The following CHSY1 variants were observed in gnomAD, a reference collection of about 807,000 sequenced individuals.
CHSY1 encodes the protein chondroitin sulfate synthase 1, also known as N-acetylgalactosaminyl-proteoglycan 3-beta-glucuronosyltransferase 1.
Under a neutral mutation model 59.8 loss-of-function variants are expected in CHSY1, and 13 were observed. The ratio of observed to expected loss-of-function variants is 0.22; its 90% CI spans 0.14 to 0.35. The LOEUF is 0.35. Among genes scored for constraint, CHSY1 ranks in the 10% least tolerant of loss-of-function variants. CHSY1 has a pLI of 1.00. For missense variants in CHSY1, 947 were observed against 1,030.6 expected (o/e 0.92, Z 1.11); for synonymous variants, 459 against 401.2 (o/e 1.14, Z -1.72).
intron 1 of CHSY1, among the ~76,000 whole-genome samples, chr15:101,248,447 C>T (rs954267562): frequency 6.6e-6 from 1 of 152,214 alleles, no homozygotes; most frequent in Admixed American, 6.5e-5. Context: ...GCTCCATGCA[C>T]TCTGACTTCT....
At chr15:101,241,949 TTAAA>T (rs1207548755) in intron 1 of CHSY1, among the ~76,000 whole-genome samples, 2 of 152,378 alleles carry the variant, frequency 1.3e-5, no homozygotes, top group East Asian at 3.9e-4. Flanking sequence ...CCTGTATACT[TTAAA>T]TAGTCTCTAG....
intron 2 of CHSY1, among the ~76,000 whole-genome samples, chr15:101,216,238 T>A (rs2038730983): frequency 6.6e-6 from 1 of 152,188 alleles, no homozygotes; most frequent in African/African-American, 2.4e-5. Context: ...AAAACACTGA[T>A]AACACCCAGT....
intron 1 of CHSY1, among the ~76,000 whole-genome samples, chr15:101,235,898 C>T (rs1425618782): frequency 6.6e-6 from 1 of 152,114 alleles, no homozygotes; most frequent in Non-Finnish European, 1.5e-5. Context: ...CAACTCCCTA[C>T]CTAAGAACTT....
intron 2 of CHSY1, among the ~76,000 whole-genome samples, chr15:101,195,941 T>A (rs1474501049): frequency 2.6e-5 from 4 of 151,602 alleles, no homozygotes; most frequent in Non-Finnish European, 4.4e-5. Flanking sequence ...ATAAATTATA[T>A]ATAAATATTA....
chr15:101,228,235 C>T (rs1325920423), intron 2 of CHSY1, among the ~76,000 whole-genome samples: 4 of 151,420 alleles, frequency 2.6e-5, no homozygotes, highest in African/African-American at 9.7e-5. Context: ...AGAAAGAAAA[C>T]AGGAGTAAAA....
intron 2 of CHSY1, among the ~76,000 whole-genome samples, chr15:101,221,921 A>T (rs1031953630): frequency 6.6e-6 from 1 of 152,160 alleles, no homozygotes; most frequent in African/African-American, 2.4e-5. Flanking sequence ...TCAATGAGAG[A>T]AAACACAGAA....
In CHSY1 at chr15:101,178,486, G is replaced by A. The variant is rs760681716; in HGVS notation, c.1311C>T (p.Arg437=). The A allele has an allele frequency of 6.2e-6, 10 of 1,614,106 alleles. No homozygotes were observed. Among genetic ancestry groups the A allele is most frequent in the African/African-American group, 2.7e-5 (2 of 74,938 alleles). The change falls in exon 3 of 3, where the codon CGC becomes CGT. Residue 437 remains arginine, a synonymous_variant. Transcript: ENST00000254190. The part of the protein sequence containing the change: ...IDFKEIQYGY[R]RVNPMYGAEY... ...CAGCCCCATACATGGGGTTCACCCGGCGGTAGCCGTACTGGATCTCTTTGA... is the reference window on the plus strand; with the variant it reads ...CAGCCCCATACATGGGGTTCACCCGACGGTAGCCGTACTGGATCTCTTTGA...
chr15:101,225,954 C>T (rs1408317156), intron 2 of CHSY1, among the ~76,000 whole-genome samples: 1 of 152,146 alleles, frequency 6.6e-6, no homozygotes, highest in Admixed American at 6.5e-5. Context: ...CAGGCTCTCA[C>T]AATCACAGGA....
Position 101,177,840 on chromosome 15 carries a change from G to C in CHSY1, c.1957C>G (p.Gln653Glu), listed in dbSNP as rs150075110. ...CTGAAGATGATTGGAAAATATATTT[G>C]TTGGCCCAGAACTGTATTTGCTCGA... ...RCRANTVLGQ[Q>E]IYFPIIFSQY... The change falls in exon 3 of 3, where the codon CAA becomes GAA. Residue 653 changes from glutamine to glutamate, a missense_variant. This residue lies in a region of CHSY1 where 602 missense variants were observed against 676.9 expected (regional missense o/e 0.89). Coordinates refer to ENST00000254190, the MANE Select transcript of CHSY1 (RefSeq NM_014918.5). The C allele has an allele frequency of 1.3e-4, 217 of 1,614,194 alleles. No homozygotes were observed. In the African/African-American group the frequency reaches 2.8e-3, roughly 21 times the overall value.
intron 1 of CHSY1, among the ~76,000 whole-genome samples, chr15:101,239,705 A>T (rs1596454557): frequency 8.3e-6 from 1 of 120,300 alleles, no homozygotes; most frequent in South Asian, 2.4e-4. Context: ...TAATGTGGAA[A>T]ATGCTTCTTA....
At chr15:101,205,061 CAGAG>C (rs1463334644) in intron 2 of CHSY1, among the ~76,000 whole-genome samples, 1 of 152,158 alleles carries the variant, frequency 6.6e-6, no homozygotes, top group African/African-American at 2.4e-5. Context: ...TTTAACTACT[CAGAG>C]AGATTTTCAG....
At chr15:101,192,972 A>G (rs2038464004) in intron 2 of CHSY1, among the ~76,000 whole-genome samples, 2 of 152,234 alleles carry the variant, frequency 1.3e-5, no homozygotes, top group Non-Finnish European at 2.9e-5. Context: ...GATTTTATAT[A>G]ATAACATTAA....
At chr15:101,195,686 G>T (rs529080859) in intron 2 of CHSY1, among the ~76,000 whole-genome samples, 35 of 152,166 alleles carry the variant, frequency 2.3e-4, no homozygotes, top group Admixed American at 5.9e-4. Context: ...TTAACCGGGC[G>T]TGGTGGCGGG....
chr15:101,234,268 T>C (rs145832720), intron 2 of CHSY1, among the ~76,000 whole-genome samples: 229 of 152,330 alleles, frequency 1.5e-3, no homozygotes, highest in Middle Eastern at 0.01. Context: ...ATCTGAACAG[T>C]CAAGGTACAC....
intron 2 of CHSY1, chr15:101,187,857 G>C (rs1242095690): frequency 1.0e-5 from 2 of 197,572 alleles, no homozygotes; most frequent in Non-Finnish European, 1.8e-5. Flanking sequence ...CTTCCTGTGA[G>C]ATGTTTCAGG....
intron 2 of CHSY1, chr15:101,186,751 A>G (rs768966789): frequency 2.0e-5 from 3 of 152,106 alleles, no homozygotes; most frequent in Non-Finnish European, 4.4e-5. Context: ...GCAGTGAGCC[A>G]TGATCGCACT....
At chr15:101,230,341 C>A (rs897848002) in intron 2 of CHSY1, among the ~76,000 whole-genome samples, 17 of 152,024 alleles carry the variant, frequency 1.1e-4, no homozygotes, top group Non-Finnish European at 2.1e-4. Flanking sequence ...TAACGGGCAG[C>A]CTAAATGAGT....
intron 2 of CHSY1, among the ~76,000 whole-genome samples, chr15:101,228,182 T>C (rs1420620180): frequency 6.6e-6 from 1 of 151,058 alleles, no homozygotes; most frequent in Admixed American, 6.6e-5. Flanking sequence ...AAAGAATCCA[T>C]GAAACTGAAA....
chr15:101,232,416 A>G (rs951122231), intron 2 of CHSY1, among the ~76,000 whole-genome samples: 1 of 152,238 alleles, frequency 6.6e-6, no homozygotes, highest in African/African-American at 2.4e-5. Context: ...AAAGCTTTAT[A>G]AAAAGAAAAA....
Sources: allele counts gnomAD v4.1 joint callset (sites outside exome capture counted in the v4.1 genomes callset), GRCh38; gene constraint gnomAD v4.1.1; regional missense constraint gnomAD v4.1.1; transcripts MANE v1.5; gene names NCBI Gene and HGNC (gene_info 2026-07-23, HGNC 2026-07-21).